ACOT7: variants seen among roughly 807,000 people sequenced by gnomAD.
The protein encoded by ACOT7 is cytosolic acyl coenzyme A thioester hydrolase.
Under a neutral mutation model 40.2 loss-of-function variants are expected in ACOT7, and 12 were observed. The observed-to-expected ratio is 0.30, with a 90% confidence interval of 0.19 to 0.48. The LOEUF (loss-of-function observed/expected upper bound fraction) is 0.48, where lower values mean the gene tolerates loss of function less well. Among genes scored for constraint, ACOT7 ranks in the 20% least tolerant of loss-of-function variants. The probability of loss-of-function intolerance (pLI) is 0.99; values close to 1 mark genes in which losing one functional copy is unlikely to be tolerated. For missense variants in ACOT7, 395 were observed against 530.8 expected (o/e 0.74, Z 2.51); for synonymous variants, 228 against 219.5 (o/e 1.04, Z -0.34).
chr1:6,347,207 T>G (rs1421666486), intron 2 of ACOT7, among the ~76,000 whole-genome samples: 2 of 152,090 alleles, frequency 1.3e-5, no homozygotes, highest in Admixed American at 6.5e-5. Flanking sequence ...TGCCTGGAAC[T>G]CAGAGACCCC....
chr1:6,300,550 G>A (rs1302286591), intron 6 of ACOT7, among the ~76,000 whole-genome samples: 4 of 132,180 alleles, frequency 3.0e-5, no homozygotes, highest in Admixed American at 8.1e-5. Context: ...GAATCTCACC[G>A]GACCCCACCC....
At chr1:6,334,259 G>A (rs528222309) in intron 3 of ACOT7, among the ~76,000 whole-genome samples, 8 of 152,370 alleles carry the variant, frequency 5.3e-5, no homozygotes, top group Non-Finnish European at 1.0e-4. Flanking sequence ...AAAGTGCCTT[G>A]CTGGGGAACT....
At chr1:6,343,592 T>C (rs1641336668) in intron 2 of ACOT7, among the ~76,000 whole-genome samples, 1 of 152,190 alleles carries the variant, frequency 6.6e-6, no homozygotes, top group Non-Finnish European at 1.5e-5. Context: ...CCCAAGTCAA[T>C]GTATGTGGCT....
At chr1:6,334,115 A>T (rs761903129) in intron 3 of ACOT7, among the ~76,000 whole-genome samples, 3 of 152,206 alleles carry the variant, frequency 2.0e-5, no homozygotes, top group Non-Finnish European at 2.9e-5. Flanking sequence ...CGAGCCTCCC[A>T]GACAGAGGGG....
intron 1 of ACOT7, among the ~76,000 whole-genome samples, chr1:6,374,451 C>A (rs576265750): frequency 6.6e-6 from 1 of 152,350 alleles, no homozygotes; most frequent in South Asian, 2.1e-4. Context: ...AAGGAGGATG[C>A]CCTGAACACA....
At chr1:6,374,184 C>T (rs1427995622) in intron 1 of ACOT7, among the ~76,000 whole-genome samples, 1 of 152,232 alleles carries the variant, frequency 6.6e-6, no homozygotes, top group African/African-American at 2.4e-5. Context: ...GCCTGGTCCC[C>T]ATGCTGGCAG....
At position 6,301,175 on chromosome 1, in the gene ACOT7, G is replaced by A. The variant is rs1639966013; in HGVS notation, c.713-6195C>T. On this transcript the variant is annotated intron_variant, in intron 6 of 8. Transcript: ENST00000361521. The surrounding 1 kb of genome is among the most constrained non-coding windows in gnomAD (Gnocchi z 4.1). ...GCTGTGGGGGAAGGAGGAGGGAAAGGAAGGGTTCGTGTTGGATTTAATGTT... is the reference window on the plus strand; with the variant it reads ...GCTGTGGGGGAAGGAGGAGGGAAAGAAAGGGTTCGTGTTGGATTTAATGTT... Among the ~76,000 whole-genome samples the A allele has an allele frequency of 6.6e-6, 1 of 152,234 alleles. No homozygotes were observed. The highest frequency in any genetic ancestry group is 2.1e-4 in the South Asian group (1 of 4,828).
At chr1:6,291,623 G>T (rs1639665778) in intron 7 of ACOT7, among the ~76,000 whole-genome samples, 1 of 152,216 alleles carries the variant, frequency 6.6e-6, no homozygotes, top group African/African-American at 2.4e-5. Context: ...AGCTCCCTGG[G>T]CTCTTGACAC....
chr1:6,385,449 C>T (rs760482823), intron 1 of ACOT7: 36 of 1,577,166 alleles, frequency 2.3e-5, no homozygotes, highest in South Asian at 2.1e-4. Context: ...CAGTCGGCGT[C>T]GCAAGTGAGA....
chr1:6,349,750 C>T lies in ACOT7; in HGVS notation c.260G>A (p.Gly87Glu). ...GAGGTATGGGGCCCAGACCCTTACC[C>T]CGTTCTGGCTGTTGCAATGCCGGGT... ...ISTRHCNSQNGERCVAALARV... is the reference protein window; with the variant it reads ...ISTRHCNSQNEERCVAALARV... Residue 87 changes from glycine (G) to glutamate (E), a missense_variant and splice_region_variant, in exon 2 of 9, where the codon GGG becomes GAG. This residue lies in a region of ACOT7 where 309 missense variants were observed against 470.3 expected (regional missense o/e 0.66). Coordinates refer to ENST00000361521, the MANE Select transcript of ACOT7 (RefSeq NM_007274.4). 1 of 1,612,740 alleles carries T rather than the reference C, an allele frequency of 6.2e-7. No homozygotes were observed.
chr1:6,388,234 C>G (rs1642472621), intron 1 of ACOT7, among the ~76,000 whole-genome samples: 1 of 152,024 alleles, frequency 6.6e-6, no homozygotes, highest in African/African-American at 2.4e-5. Flanking sequence ...TGCAGCCTCC[C>G]CAGCAGCTGG....
chr1:6,339,700 G>A, intron 2 of ACOT7, 111 bp from the exon 3 acceptor site: 1 of 1,266,976 alleles, frequency 7.9e-7, no homozygotes. Context: ...ATTCCCCACT[G>A]TGAAAGCAAC....
At chr1:6,320,806 C>T (rs1640623442) in intron 5 of ACOT7, among the ~76,000 whole-genome samples, 1 of 152,228 alleles carries the variant, frequency 6.6e-6, no homozygotes, top group Non-Finnish European at 1.5e-5. Flanking sequence ...GGACGACCAC[C>T]TGAAACCCTA....
intron 6 of ACOT7, 32 bp downstream of exon 6, chr1:6,318,460 G>A: frequency 6.2e-7 from 1 of 1,604,950 alleles, no homozygotes; most frequent in Non-Finnish European, 8.5e-7. Flanking sequence ...CCAAGGGACA[G>A]GAATGGAGTG....
chr1:6,340,156 C>T (rs991651381), intron 2 of ACOT7, among the ~76,000 whole-genome samples: 16 of 152,156 alleles, frequency 1.1e-4, no homozygotes, highest in Non-Finnish European at 2.4e-4. Flanking sequence ...TTAGTAGAGA[C>T]GGGGTTTCTC....
At chr1:6,273,584 G>A (rs984977317) in intron 8 of ACOT7, among the ~76,000 whole-genome samples, 4 of 152,222 alleles carry the variant, frequency 2.6e-5, no homozygotes, top group South Asian at 2.1e-4. Flanking sequence ...ATGGCCAAAC[G>A]CGGCAGGCGG....
chr1:6,327,055 G>A (rs1299750138), intron 5 of ACOT7, among the ~76,000 whole-genome samples: 1 of 152,188 alleles, frequency 6.6e-6, no homozygotes, highest in Non-Finnish European at 1.5e-5. Flanking sequence ...CACGCACAGT[G>A]CCCTCTGGGA....
intron 8 of ACOT7, among the ~76,000 whole-genome samples, chr1:6,272,934 T>A (rs1258850597): frequency 6.6e-6 from 1 of 152,200 alleles, no homozygotes; most frequent in East Asian, 1.9e-4. Flanking sequence ...GCTCACTCTG[T>A]CCGTGTCACA....
intron 1 of ACOT7, among the ~76,000 whole-genome samples, chr1:6,382,846 C>T (rs985438548): frequency 6.6e-6 from 1 of 151,674 alleles, no homozygotes; most frequent in African/African-American, 2.4e-5. Flanking sequence ...TAACCATATA[C>T]ATATACACAT....
Sources: allele counts gnomAD v4.1 joint callset (sites outside exome capture counted in the v4.1 genomes callset), GRCh38; gene constraint gnomAD v4.1.1; regional missense constraint gnomAD v4.1.1; non-coding constraint Gnocchi (gnomAD v3.1); transcripts MANE v1.5; gene names NCBI Gene and HGNC (gene_info 2026-07-23, HGNC 2026-07-21).